Variants in ZNF407 observed in about 807,000 individuals in gnomAD.
The protein encoded by ZNF407 is zinc finger protein 407.
In ZNF407, 17 loss-of-function variants were observed where a neutral mutation model predicts 131.2. That is an observed-to-expected ratio of 0.13 (90% CI 0.09 to 0.19). The LOEUF is 0.19. Among genes scored for constraint, ZNF407 ranks in the 10% least tolerant of loss-of-function variants. The pLI, the probability that ZNF407 is intolerant of heterozygous loss-of-function variation, is 1.00. For missense variants in ZNF407, 2,681 were observed against 2,830.6 expected, an observed-to-expected ratio of 0.95 and a Z score of 1.20; for synonymous variants, 1,156 against 1,062.0, an observed-to-expected ratio of 1.09 and a Z score of -1.72.
chr18:74,754,154 C>G (rs1403989629), intron 3 of ZNF407, among the ~76,000 whole-genome samples: 1 of 152,166 alleles, frequency 6.6e-6, no homozygotes, highest in Non-Finnish European at 1.5e-5. Flanking sequence ...ATAGTATTCT[C>G]TGATGGTAGT....
chr18:74,940,897 A>G (rs1972090351), intron 8 of ZNF407, among the ~76,000 whole-genome samples: 1 of 152,180 alleles, frequency 6.6e-6, no homozygotes. Context: ...TCTTGGGTGT[A>G]CTGCTCAGTT....
At chr18:74,746,971 A>G (rs1968684097) in intron 3 of ZNF407, among the ~76,000 whole-genome samples, 1 of 152,192 alleles carries the variant, frequency 6.6e-6, no homozygotes, top group Non-Finnish European at 1.5e-5. Context: ...CAGCATCACC[A>G]CAAACGAATA....
chr18:74,870,243 GT>G lies in ZNF407; in HGVS notation c.4878-6952del, dbSNP rs2145171220. The stretch of plus-strand genomic sequence containing the variant: ...ACAGCTTTTAGAACCTGAGTGATAT[GT>G]TAAGAGGTATAAAAATGACAGTCTT... On this transcript the variant is annotated intron_variant, in intron 4 of 8. Coordinates refer to ENST00000299687, the MANE Select transcript of ZNF407 (RefSeq NM_017757.3). 1.3e-5 allele frequency among the ~76,000 whole-genome samples: 2 copies of G among 152,290 alleles called. 1 individual carries two copies. The highest frequency in any genetic ancestry group is 2.9e-5 in the Non-Finnish European group (2 of 68,026).
At chr18:74,820,262 G>T (rs1283101700) in intron 4 of ZNF407, among the ~76,000 whole-genome samples, 1 of 152,202 alleles carries the variant, frequency 6.6e-6, no homozygotes, top group Admixed American at 6.5e-5. Flanking sequence ...CCAGGAGCTT[G>T]GAGCAGGCCC....
intron 3 of ZNF407, among the ~76,000 whole-genome samples, chr18:74,712,134 A>G (rs1967780211): frequency 1.3e-5 from 2 of 152,132 alleles, no homozygotes; most frequent in Admixed American, 1.3e-4. Context: ...GTGCTTGCTC[A>G]TTTCAGGAGT....
chr18:74,634,989 G>A lies in ZNF407; in HGVS notation c.3970G>A (p.Gly1324Ser). The A allele has an allele frequency of 3.1e-6, 5 of 1,613,988 alleles. No homozygotes were observed. In the Middle Eastern group the frequency reaches 6.6e-4, roughly 213 times the overall value. Residue 1324 changes from glycine to serine, a missense_variant, in exon 2 of 9, where the codon GGC becomes AGC. Around this residue, in one of 6 missense-constraint regions of ZNF407, gnomAD observed 1,789 missense variants for 1,748.7 expected, o/e 1.02. Coordinates refer to ENST00000299687, the MANE Select transcript of ZNF407 (RefSeq NM_017757.3). ...HETEFILEED[G>S]PASDSTVESS... Reference sequence around the variant, plus strand: ...AACAGAATTTATTTTGGAGGAGGATGGCCCAGCTTCTGATAGCACAGTTGA... The same window carrying A: ...AACAGAATTTATTTTGGAGGAGGATAGCCCAGCTTCTGATAGCACAGTTGA...
At chr18:74,927,703 A>C (rs1035306106) in intron 8 of ZNF407, among the ~76,000 whole-genome samples, 1 of 152,244 alleles carries the variant, frequency 6.6e-6, no homozygotes, top group Admixed American at 6.5e-5. Flanking sequence ...CTTTTAAGAA[A>C]GTTACTGGAT....
chr18:74,795,532 AG>A (rs1568219223), intron 4 of ZNF407, among the ~76,000 whole-genome samples: 2 of 152,216 alleles, frequency 1.3e-5, no homozygotes. Flanking sequence ...CTTAAACAAA[AG>A]TAATGTTCCT....
chr18:74,601,331 G>GTC (rs1175174352), intron 1 of ZNF407, among the ~76,000 whole-genome samples: 1 of 23,864 alleles, frequency 4.2e-5, no homozygotes, highest in South Asian at 1.3e-3. Context: ...GTGTATGTCT[G>GTC]TGTGTGTGTG....
intron 8 of ZNF407, among the ~76,000 whole-genome samples, chr18:75,010,847 T>C (rs1972966139): frequency 6.6e-6 from 1 of 152,164 alleles, no homozygotes; most frequent in East Asian, 1.9e-4. Flanking sequence ...AAAGCATATA[T>C]TTGAAGAGCA....
chr18:74,728,194 A>G lies in ZNF407; in HGVS notation c.4803-53234A>G, dbSNP rs1291526427. Among the ~76,000 whole-genome samples, 3 of 152,214 alleles carry G rather than the reference A, an allele frequency of 2.0e-5. No homozygotes were observed. In the East Asian group the frequency reaches 5.8e-4, roughly 29 times the overall value. On this transcript the variant is annotated intron_variant, in intron 3 of 8. Coordinates refer to ENST00000299687, the MANE Select transcript of ZNF407 (RefSeq NM_017757.3). ...ATGGAAAGAGAATATGACCTTGAGAAACATCAGAAGAAACTGCCGAATTTG... is the reference window on the plus strand; with the variant it reads ...ATGGAAAGAGAATATGACCTTGAGAGACATCAGAAGAAACTGCCGAATTTG...
At chr18:74,828,055 C>T (rs774762308) in intron 4 of ZNF407, among the ~76,000 whole-genome samples, 61 of 152,160 alleles carry the variant, frequency 4.0e-4, no homozygotes, top group Non-Finnish European at 6.9e-4. Context: ...CCTGGGCCTC[C>T]GCTGCTTCCG....
intron 1 of ZNF407, among the ~76,000 whole-genome samples, chr18:74,621,749 G>A (rs1390281189): frequency 6.6e-6 from 1 of 152,164 alleles, no homozygotes; most frequent in Non-Finnish European, 1.5e-5. Context: ...GAGGGGAATT[G>A]GGCTCCATCC....
intron 3 of ZNF407, among the ~76,000 whole-genome samples, chr18:74,644,064 A>G (rs2144694788): frequency 6.6e-6 from 1 of 151,966 alleles, no homozygotes; most frequent in Admixed American, 6.6e-5. Context: ...TTACCTGCTC[A>G]TGTCATGGTA....
intron 8 of ZNF407, among the ~76,000 whole-genome samples, chr18:75,032,529 T>G (rs556674011): frequency 6.6e-6 from 1 of 152,244 alleles, no homozygotes; most frequent in Admixed American, 6.5e-5. Context: ...GACTCTAAGG[T>G]AGGTGTACAG....
At chr18:74,695,348 CGTA>C (rs1263138150) in intron 3 of ZNF407, among the ~76,000 whole-genome samples, 2 of 152,100 alleles carry the variant, frequency 1.3e-5, no homozygotes, top group African/African-American at 2.4e-5. Context: ...TCGTTCTTCT[CGTA>C]GTCAGGATAC....
At chr18:74,891,590 G>A (rs998350321) in intron 7 of ZNF407, among the ~76,000 whole-genome samples, 1 of 152,034 alleles carries the variant, frequency 6.6e-6, no homozygotes, top group Non-Finnish European at 1.5e-5. Context: ...TATGAGTTCT[G>A]TCTTCGCTTA....
chr18:74,953,908 C>T (rs141014394), intron 8 of ZNF407, among the ~76,000 whole-genome samples: 1 of 152,072 alleles, frequency 6.6e-6, no homozygotes, highest in Non-Finnish European at 1.5e-5. Flanking sequence ...AAAGTTGAGA[C>T]CCTAATGGGA....
chr18:74,930,725 T>G (rs1971973443), intron 8 of ZNF407, among the ~76,000 whole-genome samples: 1 of 152,204 alleles, frequency 6.6e-6, no homozygotes, highest in Non-Finnish European at 1.5e-5. Context: ...CCTTAACCAC[T>G]GCCCCCTCTT....
Sources: gnomAD v4.1 joint callset for allele counts (sites outside exome capture counted in the v4.1 genomes callset) on GRCh38, gnomAD v4.1.1 for gene constraint, gnomAD v4.1.1 regional missense constraint, MANE v1.5 for transcripts, NCBI Gene and HGNC (gene_info 2026-07-23, HGNC 2026-07-21) for gene names.